Variants in OXR1 observed in about 807,000 individuals in gnomAD.
OXR1 encodes oxidation resistance protein 1.
OXR1 carries 41 observed loss-of-function variants against 104.6 expected under a neutral mutation model. That is an observed-to-expected ratio of 0.39 (90% CI 0.31 to 0.51). The LOEUF (loss-of-function observed/expected upper bound fraction) is 0.51. OXR1 is among the 20% of genes least tolerant of loss of function. The pLI, the probability that OXR1 is intolerant of heterozygous loss-of-function variation, is 0.77. For missense variants in OXR1, 955 were observed against 1,031.9 expected (o/e 0.93, Z 1.02); for synonymous variants, 348 against 348.4 (o/e 1.00, Z 0.01).
intron 3 of OXR1, among the ~76,000 whole-genome samples, chr8:106,639,461 T>C (rs917595303): frequency 2.0e-5 from 3 of 152,090 alleles, no homozygotes; most frequent in African/African-American, 7.2e-5. Flanking sequence ...TCTTCATGAG[T>C]TCACAATCTA....
At chr8:106,497,188 G>C (rs1383913768) in intron 2 of OXR1, among the ~76,000 whole-genome samples, 2 of 152,140 alleles carry the variant, frequency 1.3e-5, no homozygotes, top group Non-Finnish European at 2.9e-5. Context: ...CACTTAACAT[G>C]GGGCAGTTTA....
At chr8:106,293,965 ATTTTTTTTT>A (rs61559960) in intron 1 of OXR1, among the ~76,000 whole-genome samples, 1 of 124,346 alleles carries the variant, frequency 8.0e-6, no homozygotes, top group Non-Finnish European at 1.6e-5. Flanking sequence ...TGACAGTTTA[ATTTTTTTTT>A]TTTTTTTTTT....
At chr8:106,714,105 T>G (rs369410552) in intron 11 of OXR1, 120 bp downstream of exon 11, 28 of 672,978 alleles carry the variant, frequency 4.2e-5, no homozygotes, top group East Asian at 1.6e-4. Flanking sequence ...AAAGGTCAGG[T>G]TCACTATCCG....
intron 6 of OXR1, among the ~76,000 whole-genome samples, chr8:106,689,004 A>C (rs1563708540): frequency 6.6e-6 from 1 of 152,164 alleles, no homozygotes; most frequent in Non-Finnish European, 1.5e-5. Flanking sequence ...GGCCAAAGCA[A>C]AAATAAAAAT....
chr8:106,462,476 A>G (rs979410736), intron 2 of OXR1, among the ~76,000 whole-genome samples: 11 of 152,300 alleles, frequency 7.2e-5, no homozygotes, highest in African/African-American at 1.9e-4. Context: ...GCTTCTCTGA[A>G]TGAATAGCAA....
chr8:106,684,592 ACT>A (rs1828506976), intron 6 of OXR1, among the ~76,000 whole-genome samples: 1 of 152,148 alleles, frequency 6.6e-6, no homozygotes, highest in Non-Finnish European at 1.5e-5. Context: ...ATATTCATCA[ACT>A]CTTATTTTTT....
chr8:106,400,272 T>C (rs1197879940), intron 2 of OXR1, among the ~76,000 whole-genome samples: 1 of 152,124 alleles, frequency 6.6e-6, no homozygotes, highest in Non-Finnish European at 1.5e-5. Flanking sequence ...TACTGCAACA[T>C]CCTTAAGTCA....
chr8:106,309,448 C>A (rs971740048), intron 1 of OXR1, among the ~76,000 whole-genome samples: 1 of 151,960 alleles, frequency 6.6e-6, no homozygotes, highest in Non-Finnish European at 1.5e-5. Flanking sequence ...TAGCAGGAAC[C>A]CACTCCAGGA....
chr8:106,447,776 T>A (rs1820073714), intron 2 of OXR1: 15 of 660,926 alleles, frequency 2.3e-5, no homozygotes, highest in Non-Finnish European at 3.4e-5. Context: ...TTTAATAACC[T>A]CCTTCGTTGT....
At chr8:106,451,445 TG>T (rs1211320891) in intron 2 of OXR1, among the ~76,000 whole-genome samples, 1 of 152,236 alleles carries the variant, frequency 6.6e-6, no homozygotes, top group East Asian at 1.9e-4. Context: ...GAGTTAAGAA[TG>T]TGTTCTTTTA....
At chr8:106,289,670 C>T (rs13265111) in intron 1 of OXR1, among the ~76,000 whole-genome samples, 3,949 of 152,254 alleles carry the variant, frequency 0.026, 89 homozygotes, top group Non-Finnish European at 0.038. Context: ...TACCTGATTT[C>T]AAACTATCCT....
At chr8:106,711,406 C>A (rs899780026) in intron 10 of OXR1, among the ~76,000 whole-genome samples, 1 of 152,098 alleles carries the variant, frequency 6.6e-6, no homozygotes, top group Non-Finnish European at 1.5e-5. Context: ...GACATTGCAT[C>A]ATTACTTTTT....
chr8:106,412,699 T>C (rs186945090), intron 2 of OXR1, among the ~76,000 whole-genome samples: 4 of 152,294 alleles, frequency 2.6e-5, no homozygotes, highest in African/African-American at 7.2e-5. Context: ...TAATTTTTAT[T>C]GGCTGCGAGC....
chr8:106,698,028 G>A, intron 7 of OXR1: 2 of 1,593,776 alleles, frequency 1.3e-6, no homozygotes, highest in East Asian at 2.2e-5. Context: ...ATGGGTGGCG[G>A]TGGCTGCGGG....
intron 1 of OXR1, among the ~76,000 whole-genome samples, chr8:106,283,863 T>G (rs1812386188): frequency 6.6e-6 from 1 of 152,184 alleles, no homozygotes; most frequent in Admixed American, 6.5e-5. Flanking sequence ...CTGAAGTTAC[T>G]AAAATGCTCT....
At chr8:106,347,284 G>C (rs940313988) in intron 1 of OXR1, among the ~76,000 whole-genome samples, 1 of 152,134 alleles carries the variant, frequency 6.6e-6, no homozygotes. Flanking sequence ...TTTGTGATCC[G>C]TATTTGTGAA....
intron 2 of OXR1, among the ~76,000 whole-genome samples, chr8:106,370,297 G>A (rs917545798): frequency 6.6e-6 from 1 of 152,128 alleles, no homozygotes; most frequent in African/African-American, 2.4e-5. Context: ...GAAGTTTTGA[G>A]GCTGACACGA....
At chr8:106,574,678 G>C (rs1817701889) in intron 3 of OXR1, among the ~76,000 whole-genome samples, 1 of 152,214 alleles carries the variant, frequency 6.6e-6, no homozygotes, top group Non-Finnish European at 1.5e-5. Context: ...TAAGTAAGGG[G>C]CATCTGTCCA....
At chr8:106,677,894 C>T (rs376594965) in intron 3 of OXR1, among the ~76,000 whole-genome samples, 12 of 152,108 alleles carry the variant, frequency 7.9e-5, no homozygotes, top group African/African-American at 2.9e-4. Context: ...AAGTATAGTT[C>T]AAGTTGTTGC....
Sources: allele counts gnomAD v4.1 joint callset (sites outside exome capture counted in the v4.1 genomes callset), GRCh38; gene constraint gnomAD v4.1.1; transcripts MANE v1.5; gene names NCBI Gene and HGNC (gene_info 2026-07-23, HGNC 2026-07-21).